LRP1B: variants seen among roughly 807,000 people sequenced by gnomAD.
The protein encoded by LRP1B is low-density lipoprotein receptor-related protein 1B.
In LRP1B, 217 loss-of-function variants were observed where a neutral mutation model predicts 556.6. That is an observed-to-expected ratio of 0.39 (90% CI 0.35 to 0.44). The LOEUF is 0.44. Among genes scored for constraint, LRP1B ranks in the 20% least tolerant of loss-of-function variants. The pLI is 1.00. For synonymous variants in LRP1B, 2,047 were observed against 1,865.8 expected (o/e 1.10, Z -2.50); for missense variants, 5,053 against 5,620.8 (o/e 0.90, Z 3.23).
intron 35 of LRP1B, among the ~76,000 whole-genome samples, chr2:140,717,462 T>C (rs1037350146): frequency 3.9e-5 from 6 of 152,082 alleles, no homozygotes; most frequent in African/African-American, 1.4e-4. Context: ...TTGAGAATAC[T>C]TGAAGAATTG....
At chr2:141,438,300 ATG>A (rs1199596550) in intron 3 of LRP1B, among the ~76,000 whole-genome samples, 1 of 151,862 alleles carries the variant, frequency 6.6e-6, no homozygotes, top group Admixed American at 6.6e-5. Flanking sequence ...CATGTGTGTA[ATG>A]TGTGTGTGTT....
At chr2:140,300,269 A>G (rs1683764437) in intron 83 of LRP1B, among the ~76,000 whole-genome samples, 1 of 152,142 alleles carries the variant, frequency 6.6e-6, no homozygotes, top group African/African-American at 2.4e-5. Context: ...TACCTAACAG[A>G]AATTATTTGG....
intron 1 of LRP1B, among the ~76,000 whole-genome samples, chr2:141,852,969 G>T (rs1166326403): frequency 4.0e-5 from 6 of 151,166 alleles, no homozygotes; most frequent in East Asian, 1.9e-4. Flanking sequence ...GTGCATCTCA[G>T]TTCCATTACA....
chr2:141,547,897 A>G (rs564011122), intron 2 of LRP1B, among the ~76,000 whole-genome samples: 1 of 152,284 alleles, frequency 6.6e-6, no homozygotes, highest in Non-Finnish European at 1.5e-5. Flanking sequence ...ATCTTCATAT[A>G]TATTTTTCAA....
chr2:140,344,185 G>A (rs1681537245), intron 77 of LRP1B, among the ~76,000 whole-genome samples: 1 of 151,708 alleles, frequency 6.6e-6, no homozygotes, highest in South Asian at 2.1e-4. Flanking sequence ...GTCTATTAAG[G>A]GAACTGTGGA....
At chr2:141,393,683 C>T (rs1248834512) in intron 3 of LRP1B, among the ~76,000 whole-genome samples, 1 of 151,970 alleles carries the variant, frequency 6.6e-6, no homozygotes, top group Admixed American at 6.6e-5. Flanking sequence ...ACAAATTTAA[C>T]AGTATAATGT....
At chr2:140,715,381 A>G (rs1687173608) in intron 37 of LRP1B, among the ~76,000 whole-genome samples, 1 of 152,112 alleles carries the variant, frequency 6.6e-6, no homozygotes, top group Admixed American at 6.6e-5. Flanking sequence ...TTGCTAATAG[A>G]TTTATTTAGA....
intron 2 of LRP1B, among the ~76,000 whole-genome samples, chr2:141,502,768 A>T (rs896237958): frequency 6.6e-6 from 1 of 151,864 alleles, no homozygotes; most frequent in Non-Finnish European, 1.5e-5. Flanking sequence ...CTGAGGCAGG[A>T]GAATTGGTTG....
chr2:140,301,322 ACT>A (rs1204097174), intron 83 of LRP1B, among the ~76,000 whole-genome samples: 1 of 148,970 alleles, frequency 6.7e-6, no homozygotes, highest in East Asian at 2.0e-4. Flanking sequence ...AGACAATCAT[ACT>A]CTCTTTCTTC....
chr2:140,549,400 G>C (rs190312531), intron 43 of LRP1B, among the ~76,000 whole-genome samples: 93 of 152,204 alleles, frequency 6.1e-4, no homozygotes, highest in Admixed American at 5.4e-3. Context: ...CTTACAAATT[G>C]GTATCAAATG....
At chr2:140,315,563 C>T (rs907585948) in intron 82 of LRP1B, among the ~76,000 whole-genome samples, 4 of 152,172 alleles carry the variant, frequency 2.6e-5, no homozygotes, top group African/African-American at 9.6e-5. Flanking sequence ...TATTGTGCAC[C>T]ACCACACGTG....
chr2:140,766,859 T>TA (rs35881662), intron 35 of LRP1B, among the ~76,000 whole-genome samples: 6 of 50,212 alleles, frequency 1.2e-4, no homozygotes, highest in African/African-American at 2.3e-4. Context: ...TATATATATA[T>TA]ATATATAATA....
intron 6 of LRP1B, among the ~76,000 whole-genome samples, chr2:141,212,036 AAG>A (rs1310258481): frequency 6.6e-6 from 1 of 152,152 alleles, no homozygotes; most frequent in Non-Finnish European, 1.5e-5. Context: ...TTTAAGTATA[AAG>A]AGTTTAATAA....
intron 2 of LRP1B, among the ~76,000 whole-genome samples, chr2:141,579,099 C>A (rs560017251): frequency 6.6e-6 from 1 of 152,268 alleles, no homozygotes. Context: ...TATACCTATA[C>A]ATAGGTCGGC....
chr2:141,848,277 A>G (rs1488523945), intron 1 of LRP1B, among the ~76,000 whole-genome samples: 1 of 151,602 alleles, frequency 6.6e-6, no homozygotes, highest in African/African-American at 2.4e-5. Context: ...TATAAACTCC[A>G]GAGAAGTCCC....
At chr2:142,043,310 T>A (rs746353929) in intron 1 of LRP1B, among the ~76,000 whole-genome samples, 1 of 151,616 alleles carries the variant, frequency 6.6e-6, no homozygotes, top group South Asian at 2.1e-4. Flanking sequence ...TAATTCCCAC[T>A]TTCTCAAGTC....
chr2:140,701,689 T>G lies in LRP1B; in HGVS notation c.6427+32A>C, dbSNP rs575138537. The G allele has an allele frequency of 9.4e-5, 148 of 1,579,578 alleles. No individual in the cohort carries two copies. In the East Asian group the frequency reaches 3.3e-3, roughly 35 times the overall value. On this transcript the variant is annotated intron_variant, in intron 40 of 90. Coordinates refer to ENST00000389484, the MANE Select transcript of LRP1B (RefSeq NM_018557.3). Reference sequence around the variant, plus strand: ...AATTGGAGAGAAATCACATAAAATATACATATTATGTATTCTTTCAAGAGT... The same window carrying G: ...AATTGGAGAGAAATCACATAAAATAGACATATTATGTATTCTTTCAAGAGT...
intron 2 of LRP1B, among the ~76,000 whole-genome samples, chr2:141,808,631 T>C (rs1206368246): frequency 6.6e-6 from 1 of 152,114 alleles, no homozygotes; most frequent in African/African-American, 2.4e-5. Flanking sequence ...TACATTCCCA[T>C]GTTTAAAACA....
chr2:140,350,111 A>C (rs1681889418), intron 77 of LRP1B, among the ~76,000 whole-genome samples: 2 of 152,088 alleles, frequency 1.3e-5, no homozygotes, highest in Admixed American at 6.6e-5. Flanking sequence ...AAAAACACAT[A>C]TTTATCTGTC....
Sources: allele counts gnomAD v4.1 joint callset (sites outside exome capture counted in the v4.1 genomes callset), GRCh38; gene constraint gnomAD v4.1.1; transcripts MANE v1.5; gene names NCBI Gene and HGNC (gene_info 2026-07-23, HGNC 2026-07-21).